ASTN2: variants seen among roughly 807,000 people sequenced by gnomAD.
ASTN2 encodes astrotactin 2.
In ASTN2, 54 loss-of-function variants were observed where a neutral mutation model predicts 139.8. The observed-to-expected ratio is 0.39, with a 90% CI of 0.31 to 0.48. The LOEUF (loss-of-function observed/expected upper bound fraction) is 0.48, where lower values mean the gene tolerates loss of function less well. Ranked by LOEUF, ASTN2 falls within the 20% of genes least tolerant of loss-of-function variation. ASTN2 has a pLI of 0.95. For synonymous variants in ASTN2, 756 were observed against 719.5 expected (o/e 1.05, Z -0.81); for missense variants, 1,565 against 1,725.1 (o/e 0.91, Z 1.64).
chr9:116,862,461 T>C lies in ASTN2; in HGVS notation c.2040+1122A>G, dbSNP rs116996437. On this transcript the variant is annotated intron_variant, in intron 11 of 22. Transcript: ENST00000313400. ...TAAGTACAGCATACAGTAAAGATAC[T>C]GTATGGAAAAGAGGGTCACCTGCGG... Among the ~76,000 whole-genome samples, 1,179 of 152,274 alleles carry C rather than the reference T, an allele frequency of 7.7e-3. 6 individuals carry two copies. Among genetic ancestry groups the C allele is most frequent in the South Asian group, 0.017 (81 of 4,820 alleles).
chr9:117,160,904 C>T (rs1290812055), intron 3 of ASTN2, among the ~76,000 whole-genome samples: 2 of 151,922 alleles, frequency 1.3e-5, no homozygotes, highest in African/African-American at 4.8e-5. Context: ...ATGGTGATTT[C>T]ATGTTGGTAC....
rs575695746 is a variant in ASTN2, at chr9:116,695,230, C to T, written c.2806+30541G>A. ...AGCAAGTTTTTCTGAGCATTCGTTT[C>T]CTCATCTGTAAAATAGGATAATAAA... On this transcript the variant is annotated intron_variant, in intron 16 of 22. Coordinates refer to ENST00000313400, the MANE Select transcript of ASTN2 (RefSeq NM_001365068.1). Among the ~76,000 whole-genome samples, 154 of 152,252 alleles carry T rather than the reference C, an allele frequency of 1.0e-3. No homozygotes were observed. The Middle Eastern group carries it at 0.014, about 13-fold the overall frequency.
chr9:116,570,898 T>C (rs932775772), intron 19 of ASTN2, among the ~76,000 whole-genome samples: 5 of 152,376 alleles, frequency 3.3e-5, no homozygotes, highest in African/African-American at 4.8e-5. Flanking sequence ...GAACAAGCTC[T>C]GTTAGGATCA....
chr9:116,469,987 C>T (rs1219005119), intron 20 of ASTN2, among the ~76,000 whole-genome samples: 1 of 151,910 alleles, frequency 6.6e-6, no homozygotes, highest in Non-Finnish European at 1.5e-5. Context: ...GCAGGATCAC[C>T]TGAGGTCAGG....
chr9:116,445,228 A>G (rs73655117), intron 20 of ASTN2, among the ~76,000 whole-genome samples: 2,647 of 152,272 alleles, frequency 0.017, 90 homozygotes, highest in African/African-American at 0.062. Context: ...CCATCAATAA[A>G]ATGAGGTTAG....
At chr9:116,687,031 G>A (rs1029095555) in intron 16 of ASTN2, 115 of 1,369,230 alleles carry the variant, frequency 8.4e-5, no homozygotes, top group Non-Finnish European at 1.1e-4. Context: ...TGAGACTGGA[G>A]TCAGATACGC....
chr9:116,865,582 G>A (rs1832994650), intron 10 of ASTN2, among the ~76,000 whole-genome samples: 1 of 152,032 alleles, frequency 6.6e-6, no homozygotes, highest in South Asian at 2.1e-4. Flanking sequence ...CTGAATTAAA[G>A]CAAGGAATCC....
intron 4 of ASTN2, among the ~76,000 whole-genome samples, chr9:117,097,108 A>T (rs564444531): frequency 6.6e-6 from 1 of 152,336 alleles, no homozygotes; most frequent in South Asian, 2.1e-4. Flanking sequence ...CAGGGTAAGC[A>T]GCCAGGAGGC....
At chr9:117,255,613 G>C (rs1833664246) in intron 2 of ASTN2, among the ~76,000 whole-genome samples, 1 of 152,184 alleles carries the variant, frequency 6.6e-6, no homozygotes, top group Admixed American at 6.5e-5. Context: ...AGGTGAAGGA[G>C]AGTCTTCCCC....
At chr9:117,294,010 G>A (rs1208177937) in intron 1 of ASTN2, among the ~76,000 whole-genome samples, 2 of 152,246 alleles carry the variant, frequency 1.3e-5, no homozygotes, top group Non-Finnish European at 2.9e-5. Context: ...AGGGATGCTT[G>A]TGGAAATCTG....
intron 6 of ASTN2, among the ~76,000 whole-genome samples, chr9:117,024,784 C>T (rs1263998435): frequency 6.6e-6 from 1 of 151,990 alleles, no homozygotes; most frequent in African/African-American, 2.4e-5. Context: ...TGGCTGTGTC[C>T]ACACCCAAAT....
intron 13 of ASTN2, among the ~76,000 whole-genome samples, chr9:116,801,402 G>A (rs1054328447): frequency 3.3e-5 from 5 of 151,696 alleles, no homozygotes; most frequent in African/African-American, 7.3e-5. Flanking sequence ...CTAACACAGC[G>A]AAACCCCGTC....
At chr9:117,134,216 C>T (rs116049919) in intron 4 of ASTN2, among the ~76,000 whole-genome samples, 2,026 of 147,248 alleles carry the variant, frequency 0.014, 38 homozygotes, top group African/African-American at 0.049. Flanking sequence ...GCTAATGTTT[C>T]TATTTTCTTC....
intron 10 of ASTN2, among the ~76,000 whole-genome samples, chr9:116,881,906 A>T (rs1419810205): frequency 1.3e-5 from 2 of 150,742 alleles, no homozygotes; most frequent in Non-Finnish European, 3.0e-5. Flanking sequence ...AAGCATCAAG[A>T]ATATTTGTAG....
Position 116,701,628 on chromosome 9 carries a change from G to A in ASTN2, c.2806+24143C>T, listed in dbSNP as rs192725208. Among the ~76,000 whole-genome samples the A allele has an allele frequency of 2.0e-5, 3 of 152,262 alleles. No individual in the cohort carries two copies. In the East Asian group the frequency reaches 5.8e-4, roughly 29 times the overall value. On this transcript the variant is annotated intron_variant, in intron 16 of 22. Transcript: ENST00000313400. The stretch of plus-strand genomic sequence containing the variant: ...CCAGCTGTCTGTGCTTTTGAAAGAG[G>A]TGCCATCACTGAGTGACATTCAGCA...
chr9:116,427,839 C>T (rs10817887), intron 22 of ASTN2, among the ~76,000 whole-genome samples: 7 of 152,310 alleles, frequency 4.6e-5, no homozygotes, highest in African/African-American at 1.2e-4. Flanking sequence ...AAGTGCCCCC[C>T]CCAAGAGGAG....
At chr9:116,612,764 G>C (rs977846255) in intron 19 of ASTN2, 12 of 151,970 alleles carry the variant, frequency 7.9e-5, no homozygotes, top group Non-Finnish European at 1.5e-4. Flanking sequence ...ACAGGAGAAA[G>C]CAAGAAAGAT....
At chr9:116,523,315 A>G (rs1457445242) in intron 19 of ASTN2, among the ~76,000 whole-genome samples, 1 of 152,014 alleles carries the variant, frequency 6.6e-6, no homozygotes. Flanking sequence ...TGCTCTGGAG[A>G]TGATTTAAAC....
At chr9:116,826,851 C>T (rs1831643216) in intron 11 of ASTN2, among the ~76,000 whole-genome samples, 1 of 152,184 alleles carries the variant, frequency 6.6e-6, no homozygotes, top group Non-Finnish European at 1.5e-5. Context: ...AAGGTCCCAG[C>T]TTAACTTCAC....
Sources: allele counts gnomAD v4.1 joint callset (sites outside exome capture counted in the v4.1 genomes callset), GRCh38; gene constraint gnomAD v4.1.1; transcripts MANE v1.5; gene names NCBI Gene and HGNC (gene_info 2026-07-23, HGNC 2026-07-21).